Variants in DPY19L1 observed in about 807,000 individuals in gnomAD.
The protein encoded by DPY19L1 is protein C-mannosyl-transferase DPY19L1.
A neutral mutation model predicts 96.9 loss-of-function variants in DPY19L1; 35 were observed. That is an observed-to-expected ratio of 0.36 (90% confidence interval 0.28 to 0.48). DPY19L1 has a LOEUF of 0.48. Ranked by LOEUF, DPY19L1 falls within the 20% of genes least tolerant of loss-of-function variation. The pLI, the probability that DPY19L1 is intolerant of heterozygous loss-of-function variation, is 0.99. For missense variants in DPY19L1, 521 were observed against 777.9 expected, an observed-to-expected ratio of 0.67 and a Z score of 3.93; for synonymous variants, 205 against 252.6, an observed-to-expected ratio of 0.81 and a Z score of 1.79.
intron 10 of DPY19L1, among the ~76,000 whole-genome samples, chr7:34,966,079 T>C (rs959043187): frequency 2.0e-5 from 3 of 152,086 alleles, no homozygotes; most frequent in African/African-American, 7.2e-5. Flanking sequence ...CAGGCTGGTC[T>C]TAAACTCCTG....
At chr7:34,938,531 G>T (rs1400819919) in intron 20 of DPY19L1, among the ~76,000 whole-genome samples, 3 of 152,066 alleles carry the variant, frequency 2.0e-5, no homozygotes, top group Non-Finnish European at 4.4e-5. Flanking sequence ...ACATTAAATG[G>T]TTCTTCATTT....
intron 13 of DPY19L1, among the ~76,000 whole-genome samples, chr7:34,953,131 T>C (rs888030432): frequency 2.0e-5 from 3 of 152,142 alleles, no homozygotes; most frequent in African/African-American, 7.2e-5. Context: ...TCAGTAAAAG[T>C]AGAGAACTCA....
intron 10 of DPY19L1, among the ~76,000 whole-genome samples, chr7:34,966,322 T>A (rs1056028884): frequency 1.3e-5 from 2 of 152,070 alleles, no homozygotes; most frequent in African/African-American, 4.8e-5. Flanking sequence ...TGTAGAGACA[T>A]GGTCTTGCTA....
intron 16 of DPY19L1, among the ~76,000 whole-genome samples, chr7:34,943,768 T>C (rs1784077010): frequency 6.6e-6 from 1 of 152,198 alleles, no homozygotes; most frequent in Non-Finnish European, 1.5e-5. Flanking sequence ...TGTGAGAAGT[T>C]CCACCTTCCT....
chr7:35,002,751 T>C (rs1222580614), intron 6 of DPY19L1, among the ~76,000 whole-genome samples: 4 of 152,174 alleles, frequency 2.6e-5, no homozygotes, highest in Admixed American at 6.5e-5. Context: ...AATAGCATCA[T>C]CTGAAGCAAC....
chr7:34,945,795 T>G (rs1784132816), intron 15 of DPY19L1, 79 bp from the exon 16 acceptor site: 1 of 935,516 alleles, frequency 1.1e-6, no homozygotes, highest in African/African-American at 1.7e-5. Flanking sequence ...TTCTAAACTG[T>G]AAAATAACTT....
chr7:34,959,935 A>ATATT (rs1784467770), intron 10 of DPY19L1, among the ~76,000 whole-genome samples: 3 of 130,462 alleles, frequency 2.3e-5, no homozygotes, highest in African/African-American at 7.7e-5. Flanking sequence ...TTATATATAT[A>ATATT]TATATATATA....
intron 14 of DPY19L1, among the ~76,000 whole-genome samples, chr7:34,948,573 T>C (rs556884042): frequency 1.3e-5 from 2 of 152,336 alleles, no homozygotes; most frequent in South Asian, 4.1e-4. Flanking sequence ...GCTGAAGTCA[T>C]GCTATGTCTC....
chr7:34,997,160 C>A (rs1785305164), intron 6 of DPY19L1, among the ~76,000 whole-genome samples: 1 of 151,792 alleles, frequency 6.6e-6, no homozygotes, highest in Non-Finnish European at 1.5e-5. Flanking sequence ...AGAAAAGATG[C>A]CAATATTGCC....
intron 6 of DPY19L1, among the ~76,000 whole-genome samples, chr7:35,006,609 A>G (rs991561730): frequency 6.6e-6 from 1 of 152,184 alleles, no homozygotes; most frequent in African/African-American, 2.4e-5. Flanking sequence ...ATAAATCAAT[A>G]CAGCTTCAAA....
chr7:35,022,934 C>T (rs1364211937), intron 1 of DPY19L1, among the ~76,000 whole-genome samples: 2 of 152,270 alleles, frequency 1.3e-5, no homozygotes, highest in South Asian at 2.1e-4. Flanking sequence ...GGCGGCTGGG[C>T]GGACACTCCC....
rs1000256107 is a variant in DPY19L1 at position 34,992,403 on chromosome 7, TGA to T, written c.765-2464_765-2463del. ...CCAAAAAAACAACCCCTTTAAGCCT[TGA>T]GAGAGATGTGACTGTGATCTGAGTC... On this transcript the variant is annotated intron_variant, in intron 6 of 21. Transcript: ENST00000638088. Among the ~76,000 whole-genome samples, 14 of 152,268 alleles carry T rather than the reference TGA, an allele frequency of 9.2e-5. 1 individual carries two copies. Among genetic ancestry groups the T allele is most frequent in the East Asian group, 1.9e-4 (1 of 5,178 alleles).
In DPY19L1 at chr7:34,939,358, C is replaced by A. The variant is rs1482700272; in HGVS notation, c.1882G>T (p.Ala628Ser). Residue 628 changes from alanine to serine, a missense_variant, in exon 20 of 22, where the codon GCC (alanine) becomes TCC (serine). Transcript: ENST00000638088. ...STKPDAVFAG[A>S]MPTMASVKLS... ...TTAACACTTGCCATCGTGGGCATGG[C>A]ACCCGCAAACACTGCATCTGGAAGG... 1.2e-6 allele frequency: 2 copies of A among 1,613,912 alleles called. No individual in the cohort carries two copies. The highest frequency in any genetic ancestry group is 1.7e-6 in the Non-Finnish European group (2 of 1,179,898).
intron 20 of DPY19L1, 38 bp from the exon 21 acceptor site, chr7:34,938,157 C>T: frequency 6.3e-7 from 1 of 1,591,220 alleles, no homozygotes; most frequent in Admixed American, 1.7e-5. Context: ...ATTTTCAAGA[C>T]TAAAACGATA....
Position 34,938,059 on chromosome 7 carries a change from T to A in DPY19L1, c.2025A>T (p.Arg675=). The part of the protein sequence containing the change: ...YSRKAAEEVK[R]ELIKLKVNYY... ...AGTTCACTTTTAACTTTATCAGTTC[T>A]CGCTTCACTTCTTCGGCTGCTTTCC... The change falls in exon 21 of 22, where the codon CGA becomes CGT. Residue 675 remains arginine, a synonymous_variant. Transcript: ENST00000638088. 1 of 1,614,086 alleles carries A rather than the reference T, an allele frequency of 6.2e-7. No homozygotes were observed. Among genetic ancestry groups the A allele is most frequent in the Non-Finnish European group, 8.5e-7 (1 of 1,179,986 alleles).
At chr7:34,979,434 A>G (rs899967311) in intron 7 of DPY19L1, among the ~76,000 whole-genome samples, 7 of 152,124 alleles carry the variant, frequency 4.6e-5, no homozygotes, top group Non-Finnish European at 1.0e-4. Context: ...ATAATACAAC[A>G]TGGAGAAATA....
chr7:34,931,867 A>G (rs1332588702), intron 21 of DPY19L1, 138 bp from the exon 22 acceptor site: 18 of 1,301,112 alleles, frequency 1.4e-5, no homozygotes, highest in Non-Finnish European at 1.8e-5. Flanking sequence ...CCTGTTACAT[A>G]GCTATTTATG....
At chr7:35,001,954 T>C (rs1386203990) in intron 6 of DPY19L1, among the ~76,000 whole-genome samples, 1 of 151,322 alleles carries the variant, frequency 6.6e-6, no homozygotes. Flanking sequence ...TAAAAACCCC[T>C]CTCAACTAAA....
At chr7:34,939,051 C>A in intron 20 of DPY19L1, 1 of 423,382 alleles carries the variant, frequency 2.4e-6, no homozygotes, top group Non-Finnish European at 4.2e-6. Context: ...GTTTATATGC[C>A]TGGTAGAGAA....
Sources: gnomAD v4.1 joint callset for allele counts (sites outside exome capture counted in the v4.1 genomes callset) on GRCh38, gnomAD v4.1.1 for gene constraint, MANE v1.5 for transcripts, NCBI Gene and HGNC (gene_info 2026-07-23, HGNC 2026-07-21) for gene names.